Variants in VPS13C observed in about 807,000 individuals in gnomAD.
The protein encoded by VPS13C is intermembrane lipid transfer protein VPS13C.
Under a neutral mutation model 456.8 loss-of-function variants are expected in VPS13C, and 358 were observed. The ratio of observed to expected loss-of-function variants is 0.78; its 90% CI spans 0.72 to 0.86. The LOEUF (loss-of-function observed/expected upper bound fraction) is 0.86. Ranked by LOEUF, VPS13C falls within the 40% of genes least tolerant of loss-of-function variation. VPS13C has a pLI of 0.00. For missense variants in VPS13C, 4,818 were observed against 4,385.4 expected (o/e 1.10, Z -2.79); for synonymous variants, 1,578 against 1,486.7 (o/e 1.06, Z -1.41).
chr15:61,865,712 G>T (rs1261574709), intron 81 of VPS13C: 4 of 413,330 alleles, frequency 9.7e-6, no homozygotes, highest in African/African-American at 6.6e-5. Context: ...GTATATGTAT[G>T]TGTGTATATA....
intron 30 of VPS13C, among the ~76,000 whole-genome samples, chr15:61,965,147 G>C (rs1596392927): frequency 6.6e-6 from 1 of 152,032 alleles, no homozygotes; most frequent in East Asian, 1.9e-4. Context: ...TGGCTATGCT[G>C]ATATTCAACA....
At chr15:61,962,981 A>G (rs1332137161) in intron 32 of VPS13C, 129 bp from the exon 33 acceptor site, 4 of 539,946 alleles carry the variant, frequency 7.4e-6, no homozygotes, top group East Asian at 3.3e-5. Flanking sequence ...CAATGGATAA[A>G]TAAGTTGCAA....
chr15:61,912,564 TA>T (rs1009397998), intron 62 of VPS13C, among the ~76,000 whole-genome samples: 1 of 151,882 alleles, frequency 6.6e-6, no homozygotes, highest in African/African-American at 2.4e-5. Flanking sequence ...TCAGTGACCA[TA>T]AAAATTTGTA....
intron 42 of VPS13C, 22 bp from the exon 43 acceptor site, chr15:61,947,331 C>T (rs1202983043): frequency 6.5e-7 from 1 of 1,537,138 alleles, no homozygotes; most frequent in Non-Finnish European, 9.0e-7. Flanking sequence ...TAGAAACCTT[C>T]TGATGAGCAA....
rs1245985190 is a variant in VPS13C at position 62,030,487 on chromosome 15, C to T, written c.386-2067G>A. ...AGGAGCAAGTGCCGGCATCATGCTT[C>T]CTATACAGCCTACAGAACTGTGAGC... On this transcript the variant is annotated intron_variant, in intron 5 of 84. Coordinates refer to ENST00000644861, the MANE Select transcript of VPS13C (RefSeq NM_020821.3). Among the ~76,000 whole-genome samples the T allele has an allele frequency of 2.0e-5, 3 of 152,038 alleles. No homozygotes were observed. The East Asian group carries it at 5.8e-4, about 29-fold the overall frequency.
intron 81 of VPS13C, chr15:61,868,008 G>T: frequency 2.6e-6 from 3 of 1,134,154 alleles, no homozygotes; most frequent in Non-Finnish European, 4.0e-6. Context: ...TAGATAAAAC[G>T]TAATCATATA....
At chr15:61,920,451 C>A in intron 56 of VPS13C, 47 bp downstream of exon 56, 1 of 1,489,544 alleles carries the variant, frequency 6.7e-7, no homozygotes, top group South Asian at 1.4e-5. Context: ...TTATATGTTT[C>A]ATTTTAAAAT....
chr15:61,894,493 A>C (rs2042745023), intron 66 of VPS13C, among the ~76,000 whole-genome samples: 1 of 152,176 alleles, frequency 6.6e-6, no homozygotes, highest in Non-Finnish European at 1.5e-5. Context: ...AACACACTTC[A>C]ACTACAAAGG....
At chr15:61,920,836 C>T (rs572946793) in intron 55 of VPS13C, among the ~76,000 whole-genome samples, 189 bp from the exon 56 acceptor site, 2 of 152,104 alleles carry the variant, frequency 1.3e-5, no homozygotes, top group Admixed American at 6.5e-5. Context: ...GGGTATAGTC[C>T]AAGCATGGGG....
chr15:62,002,340 T>C (rs1356025269), intron 15 of VPS13C, among the ~76,000 whole-genome samples: 3 of 152,362 alleles, frequency 2.0e-5, no homozygotes, highest in Middle Eastern at 3.4e-3. Context: ...TCTGTTCATG[T>C]CCTTTGCCCA....
At chr15:61,920,805 A>G (rs1053964026) in intron 55 of VPS13C, among the ~76,000 whole-genome samples, 158 bp from the exon 56 acceptor site, 1 of 152,156 alleles carries the variant, frequency 6.6e-6, no homozygotes, top group African/African-American at 2.4e-5. Flanking sequence ...GATTTCATGG[A>G]GTTCAGCATT....
chr15:61,948,189 T>C (rs1397629728), intron 42 of VPS13C, among the ~76,000 whole-genome samples: 1 of 152,194 alleles, frequency 6.6e-6, no homozygotes, highest in Non-Finnish European at 1.5e-5. Context: ...GTGTTTCTAG[T>C]GTATTGTGAG....
chr15:61,962,389 T>C lies in VPS13C; in HGVS notation c.3585A>G (p.Lys1195=). 1 of 1,588,146 alleles carries C rather than the reference T, an allele frequency of 6.3e-7. No individual in the cohort carries two copies. Among genetic ancestry groups the C allele is most frequent in the Non-Finnish European group, 8.6e-7 (1 of 1,167,492 alleles). ...ATTTTACCAGAAGTGACATAAGGAA[T>C]TTATGAAGATAGACAATCTGAATAC... ...VGCIQIVYLH[K]FLMSLLNFLN... The change falls in exon 34 of 85, where the codon AAA becomes AAG. Residue 1195 remains lysine (K), a synonymous_variant. Transcript: ENST00000644861.
At position 61,967,466 on chromosome 15, in the gene VPS13C, A is replaced by G. The variant is rs1038286404; in HGVS notation, c.2912-19T>C. 3.2e-6 allele frequency: 5 copies of G among 1,539,534 alleles called. No homozygotes were observed. The highest frequency in any genetic ancestry group is 4.4e-6 in the Non-Finnish European group (5 of 1,137,984). On this transcript the variant is annotated intron_variant, in intron 28 of 84. Transcript: ENST00000644861. ...TTGGATCCTAGATTAAAGAAAAAGG[A>G]AAAAAAAGTGTTTCAAATAAATTGC... is the stretch of plus-strand genomic sequence containing the variant.
intron 1 of VPS13C, among the ~76,000 whole-genome samples, chr15:62,047,095 T>C (rs2048430646): frequency 6.6e-6 from 1 of 151,842 alleles, no homozygotes; most frequent in African/African-American, 2.4e-5. Flanking sequence ...TTTTTCTATA[T>C]CTAGTATTAC....
At chr15:61,954,899 C>T (rs1467443332) in intron 37 of VPS13C, among the ~76,000 whole-genome samples, 1 of 152,100 alleles carries the variant, frequency 6.6e-6, no homozygotes, top group Admixed American at 6.6e-5. Context: ...GACCTCCTCA[C>T]ACGGTGGAGA....
chr15:61,909,532 G>A (rs1014536852), intron 64 of VPS13C, among the ~76,000 whole-genome samples: 5 of 152,158 alleles, frequency 3.3e-5, no homozygotes, highest in African/African-American at 1.2e-4. Context: ...TTACTAAAAA[G>A]CAAACTGGCT....
chr15:61,895,552 G>C (rs979198191), intron 66 of VPS13C, among the ~76,000 whole-genome samples: 40 of 152,162 alleles, frequency 2.6e-4, no homozygotes, highest in African/African-American at 8.2e-4. Flanking sequence ...AGGATCATTA[G>C]AGACTATTAT....
Position 61,917,392 on chromosome 15 carries a change from A to T in VPS13C, c.8004T>A (p.Pro2668=). The T allele has an allele frequency of 6.2e-7, 1 of 1,613,980 alleles. No homozygotes were observed. Reference sequence around the variant, plus strand: ...GGAGAAGATTCCGCAAAGTGAGAGAAGGATAAAGATGAATAATGTAAGCTA... The same window carrying T: ...GGAGAAGATTCCGCAAAGTGAGAGATGGATAAAGATGAATAATGTAAGCTA... ...WDVAYIIHLY[P]SLTLRNLLPY... is the part of the protein sequence containing the mutation. The change falls in exon 60 of 85, where the codon CCT becomes CCA. Residue 2668 remains proline, a synonymous_variant. Coordinates refer to ENST00000644861, the MANE Select transcript of VPS13C (RefSeq NM_020821.3).
Sources: gnomAD v4.1 joint callset for allele counts (sites outside exome capture counted in the v4.1 genomes callset) on GRCh38, gnomAD v4.1.1 for gene constraint, MANE v1.5 for transcripts, NCBI Gene and HGNC (gene_info 2026-07-23, HGNC 2026-07-21) for gene names.